Variants in MET observed in about 807,000 individuals in gnomAD.
The protein encoded by MET is MET proto-oncogene, receptor tyrosine kinase.
Under a neutral mutation model 133.1 loss-of-function variants are expected in MET, and 48 were observed. The ratio of observed to expected loss-of-function variants is 0.36; its 90% confidence interval spans 0.29 to 0.46. The LOEUF (loss-of-function observed/expected upper bound fraction) is 0.46, where lower values mean the gene tolerates loss of function less well. MET is among the 20% of genes least tolerant of loss of function. MET has a pLI of 1.00. For synonymous variants in MET, 628 were observed against 616.5 expected, an observed-to-expected ratio of 1.02 and a Z score of -0.28; for missense variants, 1,442 against 1,695.9, an observed-to-expected ratio of 0.85 and a Z score of 2.63.
At chr7:116,701,700 T>A (rs2299438) in intron 2 of MET, among the ~76,000 whole-genome samples, 5 of 151,954 alleles carry the variant, frequency 3.3e-5, no homozygotes, top group Non-Finnish European at 4.4e-5. Context: ...AAGCTCCCCC[T>A]TTTCTTTACT....
intron 19 of MET, among the ~76,000 whole-genome samples, chr7:116,794,671 C>G (rs1292577093): frequency 6.6e-6 from 1 of 152,184 alleles, no homozygotes; most frequent in Non-Finnish European, 1.5e-5. Flanking sequence ...TCCTTCTGCT[C>G]CAAGCTTCCT....
chr7:116,794,769 G>A (rs1465589330), intron 19 of MET, among the ~76,000 whole-genome samples: 1 of 152,200 alleles, frequency 6.6e-6, no homozygotes. Context: ...CTGTCCACAG[G>A]GGCGGCCTCT....
intron 1 of MET, among the ~76,000 whole-genome samples, chr7:116,697,046 T>C (rs1259762463): frequency 6.6e-6 from 1 of 152,196 alleles, no homozygotes; most frequent in Non-Finnish European, 1.5e-5. Flanking sequence ...GTCATCCTTA[T>C]AGGAGAATAT....
At chr7:116,767,080 C>T (rs1794650975) in intron 11 of MET, among the ~76,000 whole-genome samples, 1 of 152,194 alleles carries the variant, frequency 6.6e-6, no homozygotes, top group African/African-American at 2.4e-5. Flanking sequence ...ACTTTGGACC[C>T]TCAGCCTGGC....
chr7:116,725,618 C>T (rs910999643), intron 2 of MET, among the ~76,000 whole-genome samples: 1 of 151,590 alleles, frequency 6.6e-6, no homozygotes, highest in African/African-American at 2.4e-5. Flanking sequence ...GCCTACTACA[C>T]ACCTAGGCTG....
chr7:116,725,123 G>A (rs575399236), intron 2 of MET, among the ~76,000 whole-genome samples: 2 of 152,198 alleles, frequency 1.3e-5, no homozygotes, highest in South Asian at 4.1e-4. Flanking sequence ...GTAATGTAAG[G>A]AATATAGGAT....
At chr7:116,701,129 C>T (rs1791561112) in intron 2 of MET, among the ~76,000 whole-genome samples, 1 of 152,144 alleles carries the variant, frequency 6.6e-6, no homozygotes. Flanking sequence ...GTAACAGCTA[C>T]CAGCTATACC....
intron 19 of MET, among the ~76,000 whole-genome samples, chr7:116,786,367 G>T (rs1795315691): frequency 6.6e-6 from 1 of 152,120 alleles, no homozygotes; most frequent in African/African-American, 2.4e-5. Flanking sequence ...CCATAGCAGG[G>T]GTCAAGGCTG....
intron 11 of MET, among the ~76,000 whole-genome samples, chr7:116,763,933 AC>A (rs1794509920): frequency 6.6e-6 from 1 of 152,336 alleles, no homozygotes; most frequent in East Asian, 1.9e-4. Context: ...TCAAATAATA[AC>A]ACAGGCAAAA....
chr7:116,779,655 G>T (rs1285969030), intron 17 of MET, among the ~76,000 whole-genome samples: 1 of 151,972 alleles, frequency 6.6e-6, no homozygotes, highest in Non-Finnish European at 1.5e-5. Flanking sequence ...CATGTAAAAG[G>T]AGGCTAGTTC....
intron 5 of MET, among the ~76,000 whole-genome samples, chr7:116,749,899 C>T (rs1267969037): frequency 1.3e-5 from 2 of 152,092 alleles, no homozygotes. Context: ...ATACAACTTA[C>T]AAGGGATGAA....
chr7:116,773,875 T>C (rs1794909316), intron 14 of MET, among the ~76,000 whole-genome samples: 2 of 152,218 alleles, frequency 1.3e-5, no homozygotes, highest in Non-Finnish European at 2.9e-5. Flanking sequence ...AACAGCATTC[T>C]TTTTATGCCC....
chr7:116,761,449 C>T (rs553548043), intron 10 of MET, among the ~76,000 whole-genome samples: 5 of 152,172 alleles, frequency 3.3e-5, no homozygotes, highest in African/African-American at 9.6e-5. Flanking sequence ...TTAAAGCTGA[C>T]CATGATGAAT....
intron 2 of MET, among the ~76,000 whole-genome samples, chr7:116,705,386 A>G (rs1279168775): frequency 6.6e-6 from 1 of 152,120 alleles, no homozygotes; most frequent in Non-Finnish European, 1.5e-5. Flanking sequence ...CAATGTTACA[A>G]ATAACATCCA....
chr7:116,730,536 C>T (rs551956067), intron 2 of MET, among the ~76,000 whole-genome samples: 4 of 152,234 alleles, frequency 2.6e-5, no homozygotes, highest in African/African-American at 4.8e-5. Context: ...AGTTAAGAAG[C>T]CGCCGCAGTA....
chr7:116,776,157 G>T (rs891933826), intron 15 of MET, among the ~76,000 whole-genome samples: 1 of 151,992 alleles, frequency 6.6e-6, no homozygotes, highest in African/African-American at 2.4e-5. Context: ...GGTTGTACAG[G>T]CATCTGCCAG....
At chr7:116,717,147 G>A (rs1239407310) in intron 2 of MET, among the ~76,000 whole-genome samples, 1 of 152,130 alleles carries the variant, frequency 6.6e-6, no homozygotes, top group East Asian at 1.9e-4. Flanking sequence ...AGATTCTTAG[G>A]GTTTGACCAC....
chr7:116,754,873 A>AAG (rs768705021), intron 5 of MET, among the ~76,000 whole-genome samples: 3 of 137,648 alleles, frequency 2.2e-5, no homozygotes, highest in East Asian at 4.2e-4. Flanking sequence ...AAAAGAAAGA[A>AAG]AGAGAGAGAG....
chr7:116,745,988 C>T (rs1793662395), intron 5 of MET, among the ~76,000 whole-genome samples: 1 of 152,154 alleles, frequency 6.6e-6, no homozygotes, highest in South Asian at 2.1e-4. Context: ...TCAGAGTGAA[C>T]AGGCAACCTA....
Sources: gnomAD v4.1 joint callset for allele counts (sites outside exome capture counted in the v4.1 genomes callset) on GRCh38, gnomAD v4.1.1 for gene constraint, MANE v1.5 for transcripts, NCBI Gene and HGNC (gene_info 2026-07-23, HGNC 2026-07-21) for gene names.